The following MRPL21 variants were observed in gnomAD, a reference collection of about 807,000 sequenced individuals.
MRPL21 encodes the protein large ribosomal subunit protein bL21m.
Under a neutral mutation model 27.3 loss-of-function variants are expected in MRPL21, and 20 were observed. The observed-to-expected ratio is 0.73, with a 90% CI of 0.52 to 1.06. The LOEUF (loss-of-function observed/expected upper bound fraction) is 1.06, where lower values mean the gene tolerates loss of function less well. MRPL21 is among the 50% of genes least tolerant of loss of function. MRPL21 has a pLI of 0.00. For missense variants in MRPL21, 249 were observed against 251.4 expected (o/e 0.99, Z 0.06); for synonymous variants, 98 against 101.5 (o/e 0.97, Z 0.21).
rs1332146727 is a variant in MRPL21 at position 68,893,449 on chromosome 11, G to T, written c.403C>A (p.Leu135Met). 3 of 1,614,036 alleles carry T rather than the reference G, an allele frequency of 1.9e-6. No homozygotes were observed. Among genetic ancestry groups the T allele is most frequent in the Non-Finnish European group, 1.7e-6 (2 of 1,180,034 alleles). ...AGCGTGAAGTTGTCTGCCCCAACCA[G>T]CAGGACCTGAAAAATTCAACAGGTG... ...GERIRLEKVLLVGADNFTLLG... is the reference protein window; with the variant it reads ...GERIRLEKVLMVGADNFTLLG... Residue 135 changes from leucine to methionine, a missense_variant, in exon 5 of 7, where the codon CTG (leucine) becomes ATG (methionine). Leu to Met is a conservative substitution (Grantham distance 15). Coordinates refer to ENST00000362034, the MANE Select transcript of MRPL21 (RefSeq NM_181514.2).
At chr11:68,895,475 C>A (rs556043550) in intron 4 of MRPL21, among the ~76,000 whole-genome samples, 1 of 152,002 alleles carries the variant, frequency 6.6e-6, no homozygotes, top group African/African-American at 2.4e-5. Flanking sequence ...TATGGTGAAA[C>A]CCCATCTCAA....
chr11:68,894,929 C>A (rs1287076959), intron 4 of MRPL21, among the ~76,000 whole-genome samples: 5 of 152,064 alleles, frequency 3.3e-5, no homozygotes, highest in Admixed American at 6.6e-5. Flanking sequence ...ATTAAGCATC[C>A]CAGAAAAATT....
intron 4 of MRPL21, 80 bp from the exon 5 acceptor site, chr11:68,893,535 C>A: frequency 6.6e-7 from 1 of 1,522,056 alleles, no homozygotes. Flanking sequence ...GTAGTGATGT[C>A]AACACCACAC....
At chr11:68,892,094 A>AGGG in intron 6 of MRPL21, 1 of 1,225,374 alleles carries the variant, frequency 8.2e-7, no homozygotes, top group Non-Finnish European at 1.0e-6. Flanking sequence ...TCACGCGTGG[A>AGGG]GGGTGGAGAA....
rs1334180452 is a variant in MRPL21, at chr11:68,897,321, C to G, written c.232+606G>C. Among the ~76,000 whole-genome samples the G allele has an allele frequency of 1.3e-5, 2 of 152,210 alleles. 1 individual carries two copies. The highest frequency in any genetic ancestry group is 2.9e-5 in the Non-Finnish European group (2 of 68,032). On this transcript the variant is annotated intron_variant, in intron 3 of 6. Transcript: ENST00000362034. ...CCGGCCTGACCGAGGGCGAGACACA[C>G]AGAAGGGACGACAGAGTGCCTGCCC... is the stretch of plus-strand genomic sequence containing the variant.
chr11:68,893,765 GTGACTTCAAAAAC>G (rs1297274332), intron 4 of MRPL21, among the ~76,000 whole-genome samples: 1 of 152,174 alleles, frequency 6.6e-6, no homozygotes, highest in Non-Finnish European at 1.5e-5. Flanking sequence ...CATACCAACG[GTGACTTCAAAAAC>G]CCTTTCTATC....
At chr11:68,893,318 C>T in intron 5 of MRPL21, 85 bp downstream of exon 5, 1 of 1,593,610 alleles carries the variant, frequency 6.3e-7, no homozygotes, top group Non-Finnish European at 8.6e-7. Flanking sequence ...ATGCAACTCC[C>T]CACCTGGCCT....
rs964471513 is a variant in MRPL21, at chr11:68,893,536, A to G, written c.397-81T>C. 2.6e-6 allele frequency: 4 copies of G among 1,524,576 alleles called. No homozygotes were observed. The African/African-American group carries it at 4.1e-5, about 16-fold the overall frequency. The allele number at this position is 1,524,576 out of a possible 1,614,324, so 94.4% of individuals were successfully genotyped here. ...GTTGCTAATAACAGGTAGTGATGTC[A>G]ACACCACACAAAATGAGAAAGACTG... is the stretch of plus-strand genomic sequence containing the variant. On this transcript the variant is annotated intron_variant, in intron 4 of 6. Transcript: ENST00000362034.
intron 6 of MRPL21, chr11:68,891,817 C>T: frequency 2.2e-6 from 1 of 465,032 alleles, no homozygotes; most frequent in Admixed American, 3.7e-5. Context: ...ACTATGCCCA[C>T]TGTTGGTGGT....
chr11:68,895,025 G>A (rs1857750581), intron 4 of MRPL21, among the ~76,000 whole-genome samples: 1 of 152,216 alleles, frequency 6.6e-6, no homozygotes, highest in Non-Finnish European at 1.5e-5. Context: ...AACACTGTGG[G>A]AGGCCGAGGC....
At chr11:68,893,352 C>T (rs1435680531) in intron 5 of MRPL21, 51 bp downstream of exon 5, 4 of 1,612,712 alleles carry the variant, frequency 2.5e-6, no homozygotes, top group South Asian at 2.2e-5. Context: ...CCACTGTCTG[C>T]ATGTCCAGCC....
intron 3 of MRPL21, 89 bp from the exon 4 acceptor site, chr11:68,896,767 CTA>C (rs1857802728): frequency 2.6e-6 from 4 of 1,549,666 alleles, no homozygotes; most frequent in Non-Finnish European, 3.5e-6. Context: ...TGGTGGGGCC[CTA>C]GGGTGGACCT....
At chr11:68,902,105 A>G (rs1450562287) in intron 1 of MRPL21, among the ~76,000 whole-genome samples, 1 of 152,110 alleles carries the variant, frequency 6.6e-6, no homozygotes, top group African/African-American at 2.4e-5. Flanking sequence ...AGTCCTAGAG[A>G]CTGTGACTGT....
intron 2 of MRPL21, 86 bp downstream of exon 2, chr11:68,900,462 A>G: frequency 8.3e-7 from 1 of 1,205,100 alleles, no homozygotes. Context: ...ATTATTGAGA[A>G]CCAAAAGGTA....
At chr11:68,898,127 G>C (rs1036660147) in intron 2 of MRPL21, 115 bp from the exon 3 acceptor site, 4 of 851,716 alleles carry the variant, frequency 4.7e-6, no homozygotes, top group South Asian at 1.5e-5. Context: ...CAAAAGGCTC[G>C]CTCTTTCGGA....
At chr11:68,903,355 C>T (rs2154006265) in intron 1 of MRPL21, among the ~76,000 whole-genome samples, 1 of 152,286 alleles carries the variant, frequency 6.6e-6, no homozygotes, top group African/African-American at 2.4e-5. Context: ...TTCAGACCAG[C>T]TCGCAGCCTG....
intron 3 of MRPL21, 68 bp downstream of exon 3, chr11:68,897,859 C>A (rs901951269): frequency 3.3e-6 from 4 of 1,230,508 alleles, no homozygotes; most frequent in Non-Finnish European, 4.8e-6. Context: ...CTGGTGACAA[C>A]CTCTGTGGCT....
intron 4 of MRPL21, among the ~76,000 whole-genome samples, chr11:68,895,442 G>A (rs1035863899): frequency 3.4e-4 from 52 of 152,180 alleles, no homozygotes; most frequent in African/African-American, 1.2e-3. Context: ...CTGAGGTCAG[G>A]AGTTCGAGAC....
intron 2 of MRPL21, among the ~76,000 whole-genome samples, chr11:68,900,031 T>G (rs1008311234): frequency 8.5e-5 from 13 of 152,222 alleles, no homozygotes; most frequent in Non-Finnish European, 1.9e-4. Flanking sequence ...ACTGCTCCTG[T>G]GTCTCCCACC....
Sources: allele counts gnomAD v4.1 joint callset (sites outside exome capture counted in the v4.1 genomes callset), GRCh38; gene constraint gnomAD v4.1.1; transcripts MANE v1.5; gene names NCBI Gene and HGNC (gene_info 2026-07-23, HGNC 2026-07-21).